The following COPZ1 variants were observed in gnomAD, a reference collection of about 807,000 sequenced individuals.
COPZ1 encodes the protein coat protein complex I subunit zeta 1.
A neutral mutation model predicts 31.7 loss-of-function variants in COPZ1; 4 were observed. The ratio of observed to expected loss-of-function variants is 0.13; its 90% confidence interval spans 0.06 to 0.29. The LOEUF (loss-of-function observed/expected upper bound fraction) is 0.29, where lower values mean the gene tolerates loss of function less well. COPZ1 is among the 10% of genes least tolerant of loss of function. The pLI is 1.00. For missense variants in COPZ1, 156 were observed against 211.5 expected, an observed-to-expected ratio of 0.74 and a Z score of 1.63; for synonymous variants, 74 against 79.0, an observed-to-expected ratio of 0.94 and a Z score of 0.33.
intron 1 of COPZ1, among the ~76,000 whole-genome samples, chr12:54,338,372 A>G (rs1325711824): frequency 6.6e-6 from 1 of 152,168 alleles, no homozygotes; most frequent in African/African-American, 2.4e-5. Flanking sequence ...AGGAATTAGG[A>G]GTTAGGAGAG....
intron 1 of COPZ1, among the ~76,000 whole-genome samples, chr12:54,333,680 G>C (rs970306864): frequency 6.6e-6 from 1 of 152,044 alleles, no homozygotes; most frequent in Admixed American, 6.5e-5. Flanking sequence ...CTCTATTTAA[G>C]AGATGGATTG....
intron 1 of COPZ1, among the ~76,000 whole-genome samples, chr12:54,340,209 G>A (rs1288820755): frequency 6.6e-6 from 1 of 152,138 alleles, no homozygotes; most frequent in Admixed American, 6.5e-5. Context: ...CTGTACATGG[G>A]AGAGCAGGAA....
chr12:54,331,493 C>G (rs531020050), intron 1 of COPZ1, among the ~76,000 whole-genome samples: 1 of 152,042 alleles, frequency 6.6e-6, no homozygotes, highest in Non-Finnish European at 1.5e-5. Context: ...TTCTCACTCT[C>G]AATGCAGATA....
At chr12:54,348,135 T>G in intron 7 of COPZ1, 84 bp downstream of exon 7, 2 of 1,235,714 alleles carry the variant, frequency 1.6e-6, no homozygotes, top group Non-Finnish European at 2.4e-6. Flanking sequence ...TGTCCAGTAG[T>G]TGGGGCTCAT....
At position 54,335,844 on chromosome 12, in the gene COPZ1, G is replaced by GT. The variant is rs201674327; in HGVS notation, c.19-4695dup. On this transcript the variant is annotated intron_variant, in intron 1 of 8. Transcript: ENST00000262061. ...ATGCCACCATGCCTGGCTAATTTTT[G>GT]TTTTTTTTAAGTTCTTGCAGAGACA... Among the ~76,000 whole-genome samples, 1,319 of 151,554 alleles carry GT rather than the reference G, an allele frequency of 8.7e-3. 14 individuals carry two copies. The highest frequency in any genetic ancestry group is 0.03 in the African/African-American group (1,220 of 41,300).
At chr12:54,343,424 T>C in intron 4 of COPZ1, 108 bp downstream of exon 4, 1 of 884,942 alleles carries the variant, frequency 1.1e-6, no homozygotes. Context: ...CTCTGGCTTC[T>C]GACCAAGCTA....
At chr12:54,337,399 AAC>A (rs1953892465) in intron 1 of COPZ1, 2 of 465,834 alleles carry the variant, frequency 4.3e-6, no homozygotes, top group African/African-American at 2.0e-5. Flanking sequence ...GGTCTTTCTC[AAC>A]AGTCAGCATT....
chr12:54,340,491 G>C (rs1179085635), intron 1 of COPZ1, 56 bp from the exon 2 acceptor site: 9 of 1,609,286 alleles, frequency 5.6e-6, no homozygotes, highest in Admixed American at 1.7e-5. Flanking sequence ...AAGGTATCTG[G>C]TTTACCAGTG....
At chr12:54,338,965 C>A (rs772886183) in intron 1 of COPZ1, among the ~76,000 whole-genome samples, 64 of 152,096 alleles carry the variant, frequency 4.2e-4, no homozygotes, top group Non-Finnish European at 4.0e-4. Flanking sequence ...TTTCTGGGTT[C>A]TTGGCAATGA....
intron 1 of COPZ1, among the ~76,000 whole-genome samples, chr12:54,333,444 G>C (rs1210092677): frequency 6.6e-6 from 1 of 152,210 alleles, no homozygotes; most frequent in African/African-American, 2.4e-5. Context: ...CTCAAAAAAG[G>C]CATTAACCTT....
At chr12:54,327,143 G>A (rs1953670895) in intron 1 of COPZ1, among the ~76,000 whole-genome samples, 1 of 151,044 alleles carries the variant, frequency 6.6e-6, no homozygotes, top group Non-Finnish European at 1.5e-5. Flanking sequence ...ACCATGCCCA[G>A]CTAATTTTTG....
At chr12:54,345,332 C>G (rs1190687650) in intron 4 of COPZ1, 128 bp from the exon 5 acceptor site, 1 of 621,816 alleles carries the variant, frequency 1.6e-6, no homozygotes, top group Non-Finnish European at 2.9e-6. Flanking sequence ...CTCACTTCCA[C>G]TTTATGTTTT....
At chr12:54,330,870 A>G (rs910978224) in intron 1 of COPZ1, among the ~76,000 whole-genome samples, 1 of 152,248 alleles carries the variant, frequency 6.6e-6, no homozygotes, top group Non-Finnish European at 1.5e-5. Context: ...GGAAGAGGAA[A>G]GGCAGAGTGC....
At chr12:54,327,036 A>C (rs1414263992) in intron 1 of COPZ1, among the ~76,000 whole-genome samples, 1 of 119,716 alleles carries the variant, frequency 8.4e-6, no homozygotes, top group African/African-American at 3.3e-5. Context: ...GCTGGGGTGC[A>C]GTGGTGCAAT....
intron 1 of COPZ1, among the ~76,000 whole-genome samples, chr12:54,327,017 G>A (rs560629136): frequency 9.3e-6 from 1 of 108,068 alleles, no homozygotes; most frequent in African/African-American, 3.7e-5. Context: ...GTCTGGCTGT[G>A]TTGCCCAGGC....
intron 1 of COPZ1, among the ~76,000 whole-genome samples, chr12:54,328,730 T>C (rs780854124): frequency 1.3e-5 from 2 of 152,228 alleles, no homozygotes; most frequent in Non-Finnish European, 2.9e-5. Context: ...CTTGATCAGG[T>C]AACCCTGGAC....
chr12:54,327,507 G>C (rs1423603812), intron 1 of COPZ1, among the ~76,000 whole-genome samples: 1 of 152,030 alleles, frequency 6.6e-6, no homozygotes, highest in Non-Finnish European at 1.5e-5. Flanking sequence ...GTGTTGCCCA[G>C]GCTGGTCTTG....
At chr12:54,345,874 A>G (rs897414872) in intron 5 of COPZ1, among the ~76,000 whole-genome samples, 1 of 151,296 alleles carries the variant, frequency 6.6e-6, no homozygotes, top group Non-Finnish European at 1.5e-5. Context: ...GGCGAATGGC[A>G]TGAACCTGGG....
chr12:54,342,411 C>A (rs775347653), intron 3 of COPZ1, 124 bp downstream of exon 3: 6 of 717,160 alleles, frequency 8.4e-6, no homozygotes, highest in Non-Finnish European at 1.5e-5. Flanking sequence ...CCTTCTTCCC[C>A]TTGTATAATA....
Sources: allele counts gnomAD v4.1 joint callset (sites outside exome capture counted in the v4.1 genomes callset), GRCh38; gene constraint gnomAD v4.1.1; transcripts MANE v1.5; gene names NCBI Gene and HGNC (gene_info 2026-07-23, HGNC 2026-07-21).